Variants in WDR49 observed in about 807,000 individuals in gnomAD.
WDR49 encodes the protein cilia- and flagella-associated protein 337.
In WDR49, 107 loss-of-function variants were observed where a neutral mutation model predicts 119.5. The ratio of observed to expected loss-of-function variants is 0.90; its 90% CI spans 0.77 to 1.05. The LOEUF is 1.05. Among genes scored for constraint, WDR49 ranks in the 50% least tolerant of loss-of-function variants. The pLI, the probability that WDR49 is intolerant of heterozygous loss-of-function variation, is 0.00. For synonymous variants in WDR49, 425 were observed against 418.8 expected, an observed-to-expected ratio of 1.01 and a Z score of -0.18; for missense variants, 1,240 against 1,220.5, an observed-to-expected ratio of 1.02 and a Z score of -0.24.
chr3:167,530,864 A>T (rs1752826227), intron 13 of WDR49, among the ~76,000 whole-genome samples: 1 of 152,092 alleles, frequency 6.6e-6, no homozygotes, highest in Non-Finnish European at 1.5e-5. Context: ...ATAATTTGTC[A>T]GAATTTTTCC....
chr3:167,645,584 T>C (rs1718081188), intron 2 of WDR49, among the ~76,000 whole-genome samples: 1 of 152,170 alleles, frequency 6.6e-6, no homozygotes, highest in Non-Finnish European at 1.5e-5. Flanking sequence ...TGGCTGGCTA[T>C]ACCCTCCTTT....
At chr3:167,492,907 G>GT (rs1219123967) in intron 18 of WDR49, among the ~76,000 whole-genome samples, 1 of 151,450 alleles carries the variant, frequency 6.6e-6, no homozygotes, top group Non-Finnish European at 1.5e-5. Context: ...GACGTAGAAG[G>GT]ACCAGGAGTG....
intron 15 of WDR49, among the ~76,000 whole-genome samples, chr3:167,526,241 A>C (rs1752624079): frequency 6.6e-6 from 1 of 152,128 alleles, no homozygotes; most frequent in Non-Finnish European, 1.5e-5. Flanking sequence ...ATACAAAAAT[A>C]AGCAGTTTTA....
intron 9 of WDR49, 103 bp from the exon 10 acceptor site, chr3:167,554,901 A>T (rs1483325830): frequency 5.0e-5 from 42 of 848,132 alleles, no homozygotes; most frequent in Non-Finnish European, 6.6e-5. Flanking sequence ...AAAGAAAATC[A>T]ACTCATCATT....
chr3:167,629,427 G>C (rs913409643), intron 2 of WDR49, among the ~76,000 whole-genome samples: 1 of 152,050 alleles, frequency 6.6e-6, no homozygotes, highest in Admixed American at 6.6e-5. Flanking sequence ...CCATGTCCCT[G>C]GTGGCTCAAG....
intron 8 of WDR49, chr3:167,575,305 A>T (rs1323714230): frequency 1.0e-6 from 1 of 986,684 alleles, no homozygotes; most frequent in East Asian, 1.1e-4. Flanking sequence ...TCTGCGCAGT[A>T]ACTCTGCTCC....
chr3:167,650,976 T>C (rs1718349611), intron 2 of WDR49, among the ~76,000 whole-genome samples: 2 of 152,174 alleles, frequency 1.3e-5, no homozygotes, highest in Admixed American at 6.6e-5. Context: ...ATCTGACTCC[T>C]AGATCTGAAA....
At chr3:167,545,534 A>G (rs1363838512) in intron 10 of WDR49, among the ~76,000 whole-genome samples, 3 of 112,630 alleles carry the variant, frequency 2.7e-5, no homozygotes, top group Non-Finnish European at 6.0e-5. Context: ...TGCACCCTGG[A>G]ATACCACTGA....
At chr3:167,595,613 T>C (rs1351381825) in intron 7 of WDR49, among the ~76,000 whole-genome samples, 1 of 152,126 alleles carries the variant, frequency 6.6e-6, no homozygotes, top group African/African-American at 2.4e-5. Flanking sequence ...AAACAAGCAA[T>C]GGGGAAAGGA....
chr3:167,501,717 C>T (rs1417075700), intron 17 of WDR49, among the ~76,000 whole-genome samples: 3 of 152,048 alleles, frequency 2.0e-5, no homozygotes, highest in South Asian at 4.1e-4. Flanking sequence ...AGCAATATAC[C>T]TTAGTATAAT....
At chr3:167,595,575 A>G (rs1337358758) in intron 7 of WDR49, among the ~76,000 whole-genome samples, 1 of 152,222 alleles carries the variant, frequency 6.6e-6, no homozygotes, top group East Asian at 1.9e-4. Context: ...CATATCTACA[A>G]CTATCTGATC....
chr3:167,614,772 A>T (rs1716515558), intron 5 of WDR49, among the ~76,000 whole-genome samples: 2 of 152,208 alleles, frequency 1.3e-5, no homozygotes, highest in Admixed American at 1.3e-4. Context: ...ATATTTGCTC[A>T]TGTGTTTCTT....
chr3:167,506,805 G>A lies in WDR49; in HGVS notation c.2775-1389C>T, dbSNP rs551551858. ...TGTCTAACTCCTTAGCCTCTGGCCT[G>A]TGACGATTTTTCTTGTTTATTATGA... On this transcript the variant is annotated intron_variant, in intron 16 of 18. Coordinates refer to ENST00000682715, the MANE Select transcript of WDR49 (RefSeq NM_001366157.1). Among the ~76,000 whole-genome samples the A allele has an allele frequency of 2.8e-4, 43 of 152,282 alleles. No individual in the cohort carries two copies. In the South Asian group the frequency reaches 7.0e-3, roughly 25 times the overall value.
chr3:167,482,533 G>T (rs531291393), intron 18 of WDR49, among the ~76,000 whole-genome samples: 25 of 151,220 alleles, frequency 1.7e-4, no homozygotes, highest in Non-Finnish European at 3.0e-4. Flanking sequence ...CAAAAAATTA[G>T]TCGGGCCTGG....
At chr3:167,529,005 G>T in intron 14 of WDR49, 47 bp downstream of exon 14, 1 of 1,455,310 alleles carries the variant, frequency 6.9e-7, no homozygotes, top group South Asian at 1.6e-5. Flanking sequence ...TGCAACAAAG[G>T]GTCACCAAAA....
chr3:167,565,213 A>G (rs528305715), intron 8 of WDR49, among the ~76,000 whole-genome samples: 16 of 152,174 alleles, frequency 1.1e-4, no homozygotes, highest in Admixed American at 9.2e-4. Flanking sequence ...TCTTCAATTA[A>G]TTGGTAATTT....
intron 7 of WDR49, among the ~76,000 whole-genome samples, chr3:167,580,043 C>T (rs1714454908): frequency 6.6e-6 from 1 of 152,100 alleles, no homozygotes; most frequent in African/African-American, 2.4e-5. Context: ...ATTTCACTGA[C>T]ATTTAGTCAC....
chr3:167,558,600 A>G (rs1411301912), intron 9 of WDR49, among the ~76,000 whole-genome samples: 3 of 152,224 alleles, frequency 2.0e-5, no homozygotes, highest in African/African-American at 7.2e-5. Context: ...TGAGGTGCAC[A>G]CATACTCTTC....
intron 10 of WDR49, 108 bp downstream of exon 10, chr3:167,554,542 T>C: frequency 3.4e-6 from 2 of 592,168 alleles, no homozygotes; most frequent in South Asian, 5.2e-5. Context: ...AACTAGGGTA[T>C]CACTCACCTA....
Sources: gnomAD v4.1 joint callset for allele counts (sites outside exome capture counted in the v4.1 genomes callset) on GRCh38, gnomAD v4.1.1 for gene constraint, MANE v1.5 for transcripts, NCBI Gene and HGNC (gene_info 2026-07-23, HGNC 2026-07-21) for gene names.